KDSR: variants seen among roughly 807,000 people sequenced by gnomAD.
The protein encoded by KDSR is 3-dehydrosphinganine reductase.
Under a neutral mutation model 41.3 loss-of-function variants are expected in KDSR, and 23 were observed. That is an observed-to-expected ratio of 0.56 (90% CI 0.40 to 0.79). The LOEUF (loss-of-function observed/expected upper bound fraction) is 0.79, where lower values mean the gene tolerates loss of function less well. Ranked by LOEUF, KDSR falls within the 30% of genes least tolerant of loss-of-function variation. The pLI is 0.00. For synonymous variants in KDSR, 138 were observed against 151.7 expected (o/e 0.91, Z 0.66); for missense variants, 351 against 416.8 (o/e 0.84, Z 1.37).
intron 7 of KDSR, among the ~76,000 whole-genome samples, chr18:63,343,396 T>A (rs929701765): frequency 2.0e-5 from 3 of 150,956 alleles, no homozygotes; most frequent in Non-Finnish European, 3.0e-5. Flanking sequence ...TTTTAATTTT[T>A]TTTTTTTTTA....
chr18:63,342,873 G>C (rs1568277812), intron 7 of KDSR, among the ~76,000 whole-genome samples: 1 of 152,164 alleles, frequency 6.6e-6, no homozygotes, highest in Non-Finnish European at 1.5e-5. Context: ...TTGGAGGAGG[G>C]ACCTGGTGGG....
chr18:63,361,235 AAAG>A (rs1251341029), intron 2 of KDSR, among the ~76,000 whole-genome samples: 2 of 141,508 alleles, frequency 1.4e-5, no homozygotes, highest in African/African-American at 5.2e-5. Context: ...AAAAAAAAAA[AAAG>A]AATGAATTAC....
chr18:63,340,026 C>T (rs1469763217), intron 7 of KDSR, among the ~76,000 whole-genome samples: 1 of 152,190 alleles, frequency 6.6e-6, no homozygotes, highest in Non-Finnish European at 1.5e-5. Context: ...TTCCAGACCC[C>T]CAGGCTGGCA....
chr18:63,338,441 T>C (rs1030313106), intron 8 of KDSR, among the ~76,000 whole-genome samples: 1 of 152,260 alleles, frequency 6.6e-6, no homozygotes, highest in Non-Finnish European at 1.5e-5. Flanking sequence ...GGGAAAATGA[T>C]ACTGGGAAGC....
At chr18:63,342,021 C>G (rs1428669159) in intron 7 of KDSR, among the ~76,000 whole-genome samples, 1 of 151,552 alleles carries the variant, frequency 6.6e-6, no homozygotes, top group African/African-American at 2.4e-5. Flanking sequence ...TACAAAAAAT[C>G]AGCCGGGCTT....
chr18:63,355,648 T>C (rs1914774998), intron 3 of KDSR, 85 bp from the exon 4 acceptor site: 24 of 1,432,976 alleles, frequency 1.7e-5, no homozygotes, highest in Middle Eastern at 2.3e-4. Context: ...AGACAGTTCA[T>C]TGAATACAGA....
intron 5 of KDSR, among the ~76,000 whole-genome samples, chr18:63,354,345 G>A (rs1239010939): frequency 2.0e-5 from 3 of 152,076 alleles, no homozygotes; most frequent in South Asian, 2.1e-4. Context: ...TTGTTGATGC[G>A]ATGGCAACTA....
chr18:63,354,264 G>A (rs538235071), intron 5 of KDSR, among the ~76,000 whole-genome samples: 1 of 152,254 alleles, frequency 6.6e-6, no homozygotes, highest in South Asian at 2.1e-4. Context: ...GCAGTGAGCC[G>A]AGATCGTGCC....
At chr18:63,353,796 G>T (rs1466580197) in intron 5 of KDSR, among the ~76,000 whole-genome samples, 12 of 152,074 alleles carry the variant, frequency 7.9e-5, no homozygotes, top group Admixed American at 7.9e-4. Flanking sequence ...ATTGGTGGTT[G>T]TCAGAGATTG....
At position 63,343,894 on chromosome 18, in the gene KDSR, A is replaced by G. The variant is rs373035012; in HGVS notation, c.693+516T>C. On this transcript the variant is annotated intron_variant, in intron 7 of 9. Transcript: ENST00000645214. The stretch of plus-strand genomic sequence containing the variant: ...CTTCTTTGATAAAAATGTGCTGGAA[A>G]TGGCTGGGTACAATGGCTCATGCCT... Among the ~76,000 whole-genome samples, 5 of 152,210 alleles carry G rather than the reference A, an allele frequency of 3.3e-5. 1 individual carries two copies. The highest frequency in any genetic ancestry group is 6.5e-5 in the Admixed American group (1 of 15,270).
chr18:63,365,279 T>C (rs1248056490), intron 1 of KDSR, among the ~76,000 whole-genome samples: 1 of 152,252 alleles, frequency 6.6e-6, no homozygotes, highest in African/African-American at 2.4e-5. Flanking sequence ...AAAATTGTTT[T>C]AAAAATGAAA....
chr18:63,332,092 G>T (rs998128097), intron 9 of KDSR, among the ~76,000 whole-genome samples, 191 bp from the exon 10 acceptor site: 17 of 152,186 alleles, frequency 1.1e-4, no homozygotes, highest in African/African-American at 4.1e-4. Context: ...GGACAGCCCA[G>T]ATACATAACA....
chr18:63,339,710 G>A (rs1914288280), intron 7 of KDSR, among the ~76,000 whole-genome samples: 1 of 152,208 alleles, frequency 6.6e-6, no homozygotes, highest in African/African-American at 2.4e-5. Context: ...TTGTGGGCAG[G>A]GCCTTTTTTG....
chr18:63,361,679 G>A (rs1211603103), intron 2 of KDSR, among the ~76,000 whole-genome samples: 1 of 152,046 alleles, frequency 6.6e-6, no homozygotes, highest in African/African-American at 2.4e-5. Context: ...GCCAGGCGTG[G>A]TGGTGGGCGC....
chr18:63,357,163 G>A (rs747198395), intron 3 of KDSR, among the ~76,000 whole-genome samples: 15 of 152,048 alleles, frequency 9.9e-5, no homozygotes, highest in African/African-American at 1.7e-4. Flanking sequence ...TCATCAGAAA[G>A]GCAAAAAGTA....
chr18:63,334,639 G>A (rs946561195), intron 9 of KDSR, among the ~76,000 whole-genome samples: 2 of 152,280 alleles, frequency 1.3e-5, no homozygotes, highest in East Asian at 1.9e-4. Context: ...GTGAGCCACC[G>A]CGCCCGGACT....
At chr18:63,334,913 T>C (rs1272769817) in intron 9 of KDSR, among the ~76,000 whole-genome samples, 1 of 152,210 alleles carries the variant, frequency 6.6e-6, no homozygotes, top group African/African-American at 2.4e-5. Flanking sequence ...TAAGCAAGGC[T>C]ACCCCTTACT....
chr18:63,365,935 G>C (rs147694653), intron 1 of KDSR: 18 of 152,256 alleles, frequency 1.2e-4, no homozygotes, highest in Admixed American at 2.0e-4. Context: ...CCCTTGTACA[G>C]ATTTAAAGCA....
chr18:63,336,211 G>A (rs1487897025), intron 8 of KDSR, among the ~76,000 whole-genome samples: 1 of 152,124 alleles, frequency 6.6e-6, no homozygotes, highest in African/African-American at 2.4e-5. Flanking sequence ...TGTATTTTTA[G>A]TAGAGATGGG....
Sources: gnomAD v4.1 joint callset for allele counts (sites outside exome capture counted in the v4.1 genomes callset) on GRCh38, gnomAD v4.1.1 for gene constraint, MANE v1.5 for transcripts, NCBI Gene and HGNC (gene_info 2026-07-23, HGNC 2026-07-21) for gene names.